The following PTCHD4 variants were observed in gnomAD, a reference collection of about 807,000 sequenced individuals.
PTCHD4 encodes the protein patched domain-containing protein 4.
PTCHD4 carries 33 observed loss-of-function variants against 58.1 expected under a neutral mutation model. The ratio of observed to expected loss-of-function variants is 0.57; its 90% CI spans 0.43 to 0.76. The LOEUF is 0.76. Ranked by LOEUF, PTCHD4 falls within the 30% of genes least tolerant of loss-of-function variation. PTCHD4 has a pLI of 0.00. For missense variants in PTCHD4, 1,058 were observed against 1,027.1 expected (o/e 1.03, Z -0.41); for synonymous variants, 478 against 409.6 (o/e 1.17, Z -2.02).
intron 3 of PTCHD4, among the ~76,000 whole-genome samples, chr6:48,064,346 G>T (rs1031641651): frequency 6.6e-6 from 1 of 152,038 alleles, no homozygotes; most frequent in African/African-American, 2.4e-5. Flanking sequence ...CTAAAAACAG[G>T]GAAATATTAC....
rs930078487 is a variant in PTCHD4, at chr6:47,860,538, A to G, written c.*17765T>C. On this transcript the variant is annotated 3_prime_UTR_variant, in exon 5 of 5. Coordinates refer to ENST00000339488, the MANE Select transcript of PTCHD4 (RefSeq NM_001384253.1). The stretch of plus-strand genomic sequence containing the variant: ...TGTAGATCTCTTCTTCCTGTCCTAC[A>G]GAAAATGTAATCCCTCATCCATGCA... Among the ~76,000 whole-genome samples the G allele has an allele frequency of 6.6e-6, 1 of 152,024 alleles. No individual in the cohort carries two copies. Among genetic ancestry groups the G allele is most frequent in the African/African-American group, 2.4e-5 (1 of 41,436 alleles).
rs1765321103 is a variant in PTCHD4, at chr6:48,089,385, G to C, written c.-969-19459C>G. ...TATTCTGTCTCTGTGGGATAAAGAA[G>C]AATCACAATAGCGATAACCACACAG... On this transcript the variant is annotated intron_variant, in intron 1 of 4. Coordinates refer to ENST00000339488, the MANE Select transcript of PTCHD4 (RefSeq NM_001384253.1). 2.0e-5 allele frequency among the ~76,000 whole-genome samples: 3 copies of C among 152,228 alleles called. No homozygotes were observed. In the South Asian group the frequency reaches 6.2e-4, roughly 32 times the overall value.
rs889533107 is a variant in PTCHD4 at position 47,887,524 on chromosome 6, T to C, written c.899-7588A>G. ...ACATTGACAGAGGTGGAAATAGATG[T>C]CAATTATACCTAATTGGGAAATTAG... is the stretch of plus-strand genomic sequence containing the variant. On this transcript the variant is annotated intron_variant, in intron 4 of 4. Coordinates refer to ENST00000339488, the MANE Select transcript of PTCHD4 (RefSeq NM_001384253.1). Among the ~76,000 whole-genome samples, 2 of 152,182 alleles carry C rather than the reference T, an allele frequency of 1.3e-5. 1 individual carries two copies. Among genetic ancestry groups the C allele is most frequent in the African/African-American group, 4.8e-5 (2 of 41,448 alleles).
chr6:47,945,023 T>C (rs1162417774), intron 4 of PTCHD4, among the ~76,000 whole-genome samples: 1 of 152,044 alleles, frequency 6.6e-6, no homozygotes. Context: ...AAGCAGGTGA[T>C]AAAAATAAAG....
At chr6:47,949,887 A>C (rs1262812186) in intron 4 of PTCHD4, among the ~76,000 whole-genome samples, 1 of 150,100 alleles carries the variant, frequency 6.7e-6, no homozygotes, top group Non-Finnish European at 1.5e-5. Flanking sequence ...TTTTAATTTT[A>C]TTATTATTAT....
At chr6:48,080,953 T>C (rs1765155931) in intron 1 of PTCHD4, among the ~76,000 whole-genome samples, 1 of 152,170 alleles carries the variant, frequency 6.6e-6, no homozygotes, top group South Asian at 2.1e-4. Context: ...CTGTTTTTGG[T>C]GATCTTCAGG....
At chr6:47,934,888 A>C (rs1355191052) in intron 4 of PTCHD4, among the ~76,000 whole-genome samples, 1 of 152,210 alleles carries the variant, frequency 6.6e-6, no homozygotes, top group South Asian at 2.1e-4. Context: ...AACTTCTGGG[A>C]CTTTGTAAAC....
At chr6:48,087,078 C>G (rs1042357710) in intron 1 of PTCHD4, among the ~76,000 whole-genome samples, 3 of 152,188 alleles carry the variant, frequency 2.0e-5, no homozygotes, top group African/African-American at 7.2e-5. Flanking sequence ...AATTCCACTC[C>G]TATCACCTAC....
At chr6:48,073,920 T>A (rs549830787) in intron 1 of PTCHD4, among the ~76,000 whole-genome samples, 1 of 152,300 alleles carries the variant, frequency 6.6e-6, no homozygotes, top group African/African-American at 2.4e-5. Context: ...GGCAGCAAAC[T>A]CACCCTCTTT....
chr6:47,931,761 A>C (rs1371455904), intron 4 of PTCHD4, among the ~76,000 whole-genome samples: 1 of 144,886 alleles, frequency 6.9e-6, no homozygotes, highest in African/African-American at 2.4e-5. Context: ...TTATTAGCAT[A>C]ATAATGGCAC....
chr6:47,904,119 G>C (rs576223791), intron 4 of PTCHD4, among the ~76,000 whole-genome samples: 108 of 152,252 alleles, frequency 7.1e-4, no homozygotes, highest in African/African-American at 2.4e-3. Flanking sequence ...AATGGTGAGG[G>C]GCAGATGGAG....
In PTCHD4 at chr6:47,876,495, G is replaced by C. The variant is rs1369829080; in HGVS notation, c.*1808C>G. Among the ~76,000 whole-genome samples the C allele has an allele frequency of 6.6e-6, 1 of 151,734 alleles. No individual in the cohort carries two copies. Among genetic ancestry groups the C allele is most frequent in the Non-Finnish European group, 1.5e-5 (1 of 67,890 alleles). ...TTATATGTCTAAGTATACTTGTTTTGTTACTTCATTAGTCTATCAACTTCA... is the reference window on the plus strand; with the variant it reads ...TTATATGTCTAAGTATACTTGTTTTCTTACTTCATTAGTCTATCAACTTCA... On this transcript the variant is annotated 3_prime_UTR_variant, in exon 5 of 5. Transcript: ENST00000339488.
rs1352552690 is a variant in PTCHD4, at chr6:47,859,266, T to C, written c.*19037A>G. 6.6e-6 allele frequency among the ~76,000 whole-genome samples: 1 copy of C among 152,030 alleles called. No homozygotes were observed. Among genetic ancestry groups the C allele is most frequent in the East Asian group, 1.9e-4 (1 of 5,156 alleles). On this transcript the variant is annotated 3_prime_UTR_variant, in exon 5 of 5. Coordinates refer to ENST00000339488, the MANE Select transcript of PTCHD4 (RefSeq NM_001384253.1). ...TCACTTGTTCAGCAGTATTTCTTTT[T>C]CTTTCCATTGACAAGCTAGGATACG...
chr6:47,964,217 TC>T (rs1767202446), intron 4 of PTCHD4, among the ~76,000 whole-genome samples: 1 of 152,204 alleles, frequency 6.6e-6, no homozygotes, highest in African/African-American at 2.4e-5. Flanking sequence ...ATGAATAATT[TC>T]TTGAGATCTG....
Position 47,857,823 on chromosome 6 carries a change from T to C in PTCHD4, c.*20480A>G, listed in dbSNP as rs1263140044. On this transcript the variant is annotated 3_prime_UTR_variant, in exon 5 of 5. Transcript: ENST00000339488. The stretch of plus-strand genomic sequence containing the variant: ...TACAAATGATTGGCATTAAACATTC[T>C]TTTTACAAGCTGGTACTTTAACATC... Among the ~76,000 whole-genome samples, 1 of 151,972 alleles carries C rather than the reference T, an allele frequency of 6.6e-6. No individual in the cohort carries two copies.
At chr6:47,982,181 CTCTT>C (rs1386090240) in intron 4 of PTCHD4, among the ~76,000 whole-genome samples, 1 of 152,074 alleles carries the variant, frequency 6.6e-6, no homozygotes, top group Non-Finnish European at 1.5e-5. Flanking sequence ...GGGGTTGTGA[CTCTT>C]TCTCTGCTTG....
At chr6:48,000,496 A>T (rs1768681150) in intron 4 of PTCHD4, among the ~76,000 whole-genome samples, 2 of 152,150 alleles carry the variant, frequency 1.3e-5, no homozygotes. Context: ...GTGGGCGTTT[A>T]GAGATTTCTA....
rs1037235168 is a variant in PTCHD4 at position 47,901,017 on chromosome 6, G to T, written c.899-21081C>A. 6.6e-5 allele frequency: 10 copies of T among 150,924 alleles called. No homozygotes were observed. The South Asian group carries it at 1.9e-3, about 28-fold the overall frequency. The allele number at this position is 150,924 out of a possible 1,614,324, so 9.3% of individuals were successfully genotyped here. On this transcript the variant is annotated intron_variant, in intron 4 of 4. Coordinates refer to ENST00000339488, the MANE Select transcript of PTCHD4 (RefSeq NM_001384253.1). ...AAAATACAAAAAATTAGCCGGGCGCGGTGGCGGGCGCCTGTAGTCCCAGCT... is the reference window on the plus strand; with the variant it reads ...AAAATACAAAAAATTAGCCGGGCGCTGTGGCGGGCGCCTGTAGTCCCAGCT...
At chr6:47,914,788 C>CTATA (rs1247092932) in intron 4 of PTCHD4, among the ~76,000 whole-genome samples, 2 of 146,996 alleles carry the variant, frequency 1.4e-5, no homozygotes, top group Non-Finnish European at 3.0e-5. Context: ...ATCTATCTAT[C>CTATA]TATATTTGTA....
Sources: allele counts gnomAD v4.1 joint callset (sites outside exome capture counted in the v4.1 genomes callset), GRCh38; gene constraint gnomAD v4.1.1; transcripts MANE v1.5; gene names NCBI Gene and HGNC (gene_info 2026-07-23, HGNC 2026-07-21).